Variants in AP3B1 observed in about 807,000 individuals in gnomAD.
AP3B1 encodes AP-3 complex subunit beta-1.
In AP3B1, 61 loss-of-function variants were observed where a neutral mutation model predicts 132.5. That is an observed-to-expected ratio of 0.46 (90% CI 0.37 to 0.57). The LOEUF (loss-of-function observed/expected upper bound fraction) is 0.57. AP3B1 is among the 20% of genes least tolerant of loss of function. The pLI, the probability that AP3B1 is intolerant of heterozygous loss-of-function variation, is 0.00. For synonymous variants in AP3B1, 388 were observed against 438.3 expected, an observed-to-expected ratio of 0.89 and a Z score of 1.43; for missense variants, 1,120 against 1,289.4, an observed-to-expected ratio of 0.87 and a Z score of 2.01.
intron 6 of AP3B1, among the ~76,000 whole-genome samples, chr5:78,225,112 G>C (rs1251868276): frequency 6.6e-6 from 1 of 152,072 alleles, no homozygotes; most frequent in African/African-American, 2.4e-5. Flanking sequence ...GCCATGCATA[G>C]ATAGTACATA....
chr5:78,224,240 G>A (rs935727137), intron 6 of AP3B1, among the ~76,000 whole-genome samples: 5 of 151,852 alleles, frequency 3.3e-5, no homozygotes, highest in Admixed American at 6.6e-5. Context: ...TACCAACTAT[G>A]CATAGAAGAA....
At chr5:78,065,130 G>A (rs190954204) in intron 22 of AP3B1, among the ~76,000 whole-genome samples, 3 of 152,154 alleles carry the variant, frequency 2.0e-5, no homozygotes, top group Non-Finnish European at 4.4e-5. Flanking sequence ...CAAGGGAGGT[G>A]GTGAGTGATT....
intron 2 of AP3B1, among the ~76,000 whole-genome samples, chr5:78,248,258 G>T (rs958743620): frequency 6.6e-6 from 1 of 152,058 alleles, no homozygotes; most frequent in East Asian, 1.9e-4. Flanking sequence ...TTGGGAGGCT[G>T]AGGCAGGCAG....
Position 78,141,167 on chromosome 5 carries a change from T to C in AP3B1, c.1626A>G (p.Lys542=). Residue 542 remains lysine (K), a synonymous_variant, in exon 15 of 27, where the codon AAA becomes AAG. Coordinates refer to ENST00000255194, the MANE Select transcript of AP3B1 (RefSeq NM_003664.5). The stretch of plus-strand genomic sequence containing the variant: ...CCTGTTTGGAGTTGGTTAAATACAA[T>C]TTTGCTCCCAGATTTAATATCTGCA... ...VKLQILNLGA[K]LYLTNSKQTK... The C allele has an allele frequency of 6.2e-7, 1 of 1,613,680 alleles. No homozygotes were observed. Among genetic ancestry groups the C allele is most frequent in the Non-Finnish European group, 8.5e-7 (1 of 1,179,676 alleles).
intron 19 of AP3B1, 44 bp downstream of exon 19, chr5:78,113,706 CTT>C (rs1561415106): frequency 1.2e-6 from 2 of 1,607,244 alleles, no homozygotes; most frequent in Non-Finnish European, 8.5e-7. Context: ...CTGGGGCAAA[CTT>C]TCACAGAATA....
At chr5:78,161,378 C>T (rs1412909590) in intron 13 of AP3B1, among the ~76,000 whole-genome samples, 1 of 151,954 alleles carries the variant, frequency 6.6e-6, no homozygotes, top group Non-Finnish European at 1.5e-5. Context: ...CTGTATGTAA[C>T]TAAAATGTAA....
chr5:78,042,762 G>T, intron 22 of AP3B1: 1 of 158,362 alleles, frequency 6.3e-6, no homozygotes, highest in South Asian at 1.9e-4. Context: ...GGCTGTCCAT[G>T]ATGAACACAT....
chr5:78,125,729 C>G (rs3797668), intron 17 of AP3B1, among the ~76,000 whole-genome samples: 45,091 of 151,874 alleles, frequency 0.3, 7,059 homozygotes, highest in Admixed American at 0.41. Context: ...ATGATTCTCT[C>G]TAAGTTACCA....
intron 6 of AP3B1, among the ~76,000 whole-genome samples, chr5:78,220,131 A>G (rs980710766): frequency 2.0e-5 from 3 of 152,126 alleles, no homozygotes; most frequent in Non-Finnish European, 4.4e-5. Context: ...TGTGACCAAA[A>G]AAAGGTAATA....
chr5:78,196,194 T>C (rs987982789), intron 7 of AP3B1, among the ~76,000 whole-genome samples: 1 of 152,252 alleles, frequency 6.6e-6, no homozygotes, highest in East Asian at 1.9e-4. Flanking sequence ...AACAGCCCAA[T>C]TTTTTAAAAA....
At chr5:78,279,285 TA>T (rs1033385978) in intron 1 of AP3B1, among the ~76,000 whole-genome samples, 11 of 152,316 alleles carry the variant, frequency 7.2e-5, no homozygotes, top group African/African-American at 2.4e-4. Context: ...AACATATTAT[TA>T]ACTTATTTAG....
chr5:78,042,953 C>CT (rs1411670755), intron 22 of AP3B1: 1 of 189,110 alleles, frequency 5.3e-6, no homozygotes, highest in Non-Finnish European at 1.2e-5. Flanking sequence ...TATACTCCTC[C>CT]TGGGTGAATG....
At chr5:78,082,820 C>G (rs252756) in intron 22 of AP3B1, among the ~76,000 whole-genome samples, 36,294 of 151,552 alleles carry the variant, frequency 0.24, 4,555 homozygotes, top group Admixed American at 0.31. Context: ...CCTTGGGAAC[C>G]CTTTTTTTTT....
intron 2 of AP3B1, among the ~76,000 whole-genome samples, chr5:78,247,856 C>T (rs563014120): frequency 6.6e-6 from 1 of 152,250 alleles, no homozygotes; most frequent in South Asian, 2.1e-4. Flanking sequence ...AGATTCAGGT[C>T]TACCATTTTA....
intron 17 of AP3B1, among the ~76,000 whole-genome samples, chr5:78,116,614 G>GA (rs938562590): frequency 5.7e-4 from 80 of 140,296 alleles, no homozygotes; most frequent in South Asian, 1.6e-3. Context: ...GGAAAAGAGA[G>GA]AAAAAAAAAA....
chr5:78,156,137 C>A, intron 14 of AP3B1, 121 bp downstream of exon 14: 1 of 725,382 alleles, frequency 1.4e-6, no homozygotes, highest in Non-Finnish European at 2.4e-6. Context: ...CTTAGAATCT[C>A]AGAATTGGAA....
At chr5:78,251,278 C>T (rs1345372309) in intron 2 of AP3B1, among the ~76,000 whole-genome samples, 1 of 152,062 alleles carries the variant, frequency 6.6e-6, no homozygotes, top group Non-Finnish European at 1.5e-5. Flanking sequence ...CAAGATGGTG[C>T]AATAGAAAGC....
chr5:78,089,282 G>T, intron 22 of AP3B1, 111 bp downstream of exon 22: 1 of 819,084 alleles, frequency 1.2e-6, no homozygotes, highest in Non-Finnish European at 2.0e-6. Flanking sequence ...CTTGTTCTTA[G>T]AGAAGAATCT....
intron 22 of AP3B1, among the ~76,000 whole-genome samples, chr5:78,076,516 G>A (rs981916995): frequency 7.9e-5 from 12 of 152,286 alleles, no homozygotes; most frequent in African/African-American, 1.9e-4. Flanking sequence ...GATAATTTAT[G>A]CCACTGAGGT....
Sources: gnomAD v4.1 joint callset for allele counts (sites outside exome capture counted in the v4.1 genomes callset) on GRCh38, gnomAD v4.1.1 for gene constraint, MANE v1.5 for transcripts, NCBI Gene and HGNC (gene_info 2026-07-23, HGNC 2026-07-21) for gene names.